TINAG: variants seen among roughly 807,000 people sequenced by gnomAD.
TINAG encodes the protein tubulointerstitial nephritis antigen.
Under a neutral mutation model 72.7 loss-of-function variants are expected in TINAG, and 83 were observed. The ratio of observed to expected loss-of-function variants is 1.14; its 90% CI spans 0.96 to 1.37. The LOEUF is 1.37. TINAG is among the 40% of genes most tolerant of loss of function. The pLI, the probability that TINAG is intolerant of heterozygous loss-of-function variation, is 0.00. For missense variants in TINAG, 685 were observed against 576.6 expected, an observed-to-expected ratio of 1.19 and a Z score of -1.93; for synonymous variants, 234 against 189.9, an observed-to-expected ratio of 1.23 and a Z score of -1.91.
intron 9 of TINAG, among the ~76,000 whole-genome samples, chr6:54,374,079 C>T (rs758020240): frequency 6.6e-6 from 1 of 152,094 alleles, no homozygotes; most frequent in Non-Finnish European, 1.5e-5. Flanking sequence ...TGGGCACACA[C>T]ATTTATCAAT....
Position 54,367,310 on chromosome 6 carries a change from A to G in TINAG, c.1250+12674A>G, listed in dbSNP as rs540465885. The G allele has an allele frequency of 1.0e-3, 153 of 151,912 alleles. 2 individuals carry two copies. The Admixed American group carries it at 0.01, about 10-fold the overall frequency. 9.4% of individuals were successfully genotyped at this position (151,912 alleles called of 1,614,324 possible). ...CAAAGTAAAGAAAGAGGATTTCAGTAAACTGCAAGGCAAGTAGTGGAAGCT... is the reference window on the plus strand; with the variant it reads ...CAAAGTAAAGAAAGAGGATTTCAGTGAACTGCAAGGCAAGTAGTGGAAGCT... On this transcript the variant is annotated intron_variant, in intron 9 of 10. Transcript: ENST00000259782.
chr6:54,334,193 G>T (rs1323535010), intron 4 of TINAG, among the ~76,000 whole-genome samples: 2 of 152,160 alleles, frequency 1.3e-5, no homozygotes, highest in African/African-American at 4.8e-5. Context: ...TTGTATTCAA[G>T]GCCTGTTATG....
intron 4 of TINAG, among the ~76,000 whole-genome samples, chr6:54,328,910 G>A (rs1784671945): frequency 6.6e-6 from 1 of 151,828 alleles, no homozygotes; most frequent in African/African-American, 2.4e-5. Flanking sequence ...AAAGCATGAA[G>A]GCAAGATTAA....
intron 1 of TINAG, among the ~76,000 whole-genome samples, chr6:54,313,035 T>G (rs2150928789): frequency 6.6e-6 from 1 of 152,270 alleles, no homozygotes; most frequent in Non-Finnish European, 1.5e-5. Context: ...TGCAGGTATT[T>G]TGGGATTGAA....
chr6:54,332,041 C>G (rs1384664535), intron 4 of TINAG, among the ~76,000 whole-genome samples: 2 of 152,170 alleles, frequency 1.3e-5, no homozygotes, highest in African/African-American at 4.8e-5. Flanking sequence ...GACCATACTG[C>G]CTAAAGTTAT....
intron 10 of TINAG, among the ~76,000 whole-genome samples, chr6:54,383,628 A>G (rs1225795283): frequency 6.6e-6 from 1 of 152,252 alleles, no homozygotes; most frequent in African/African-American, 2.4e-5. Flanking sequence ...GTGAAGCAGA[A>G]AGATGTGACC....
chr6:54,341,412 C>T (rs1562161394), intron 4 of TINAG, among the ~76,000 whole-genome samples: 1 of 152,036 alleles, frequency 6.6e-6, no homozygotes, highest in Non-Finnish European at 1.5e-5. Flanking sequence ...TCTATGATAC[C>T]ATCCTTGAAG....
chr6:54,362,428 C>G (rs1582741769), intron 9 of TINAG, among the ~76,000 whole-genome samples: 1 of 151,600 alleles, frequency 6.6e-6, no homozygotes, highest in African/African-American at 2.4e-5. Flanking sequence ...CTGTTTATAA[C>G]ATGGTTCATT....
intron 1 of TINAG, among the ~76,000 whole-genome samples, chr6:54,319,431 G>T (rs973994734): frequency 2.0e-5 from 3 of 152,108 alleles, no homozygotes; most frequent in African/African-American, 7.2e-5. Flanking sequence ...GAAAACTGTG[G>T]TCAAGAGAAG....
intron 10 of TINAG, among the ~76,000 whole-genome samples, chr6:54,385,223 G>A (rs1423292744): frequency 6.6e-6 from 1 of 151,938 alleles, no homozygotes; most frequent in Non-Finnish European, 1.5e-5. Context: ...AAAGCAAAGA[G>A]TTGATGCTTT....
chr6:54,365,882 C>G (rs188120949), intron 9 of TINAG, among the ~76,000 whole-genome samples: 1 of 151,608 alleles, frequency 6.6e-6, no homozygotes, highest in East Asian at 1.9e-4. Flanking sequence ...TAAGCTTGAA[C>G]AGCCAGGTGC....
chr6:54,389,767 T>C, intron 10 of TINAG, 24 bp from the exon 11 acceptor site: 1 of 1,563,110 alleles, frequency 6.4e-7, no homozygotes, highest in South Asian at 1.2e-5. Flanking sequence ...TTCTCAACTT[T>C]TTTGTTTGTT....
chr6:54,350,044 G>A (rs1785227015), intron 7 of TINAG, 148 bp downstream of exon 7: 11 of 527,764 alleles, frequency 2.1e-5, no homozygotes, highest in Non-Finnish European at 2.9e-5. Flanking sequence ...ATATTTTTAA[G>A]GACTTTCAGT....
chr6:54,341,911 C>T (rs1325724955), intron 4 of TINAG, among the ~76,000 whole-genome samples: 1 of 152,050 alleles, frequency 6.6e-6, no homozygotes, highest in Non-Finnish European at 1.5e-5. Context: ...CTTTTAACTG[C>T]TAAAAGTTAG....
At chr6:54,355,852 A>AGAAG (rs201832646) in intron 9 of TINAG, among the ~76,000 whole-genome samples, 26 of 151,722 alleles carry the variant, frequency 1.7e-4, no homozygotes, top group East Asian at 1.4e-3. Flanking sequence ...AAAGAAAGAA[A>AGAAG]GAAGGAAGGA....
chr6:54,307,863 G>T, upstream of TINAG: 1 of 585,984 alleles, frequency 1.7e-6, no homozygotes, highest in Non-Finnish European at 3.0e-6. Context: ...AAGGTTCCCA[G>T]TGTTTGTGCT....
At chr6:54,353,908 A>C (rs1650010013) in intron 8 of TINAG, among the ~76,000 whole-genome samples, 1 of 151,896 alleles carries the variant, frequency 6.6e-6, no homozygotes, top group South Asian at 2.1e-4. Context: ...CAATAGAGAG[A>C]TGAAGTAATT....
chr6:54,343,044 T>C (rs1258214391), intron 4 of TINAG, among the ~76,000 whole-genome samples, 182 bp from the exon 5 acceptor site: 1 of 152,198 alleles, frequency 6.6e-6, no homozygotes, highest in Non-Finnish European at 1.5e-5. Flanking sequence ...TGAGTCCCCA[T>C]ATTGAATTGT....
intron 9 of TINAG, among the ~76,000 whole-genome samples, chr6:54,368,392 A>G (rs1041683784): frequency 3.2e-4 from 47 of 148,774 alleles, no homozygotes; most frequent in Admixed American, 6.1e-4. Flanking sequence ...ATTATACATT[A>G]TTAAATTATT....
Sources: gnomAD v4.1 joint callset for allele counts (sites outside exome capture counted in the v4.1 genomes callset) on GRCh38, gnomAD v4.1.1 for gene constraint, MANE v1.5 for transcripts, NCBI Gene and HGNC (gene_info 2026-07-23, HGNC 2026-07-21) for gene names.